HERC5: variants seen among roughly 807,000 people sequenced by gnomAD.
HERC5 encodes the protein E3 ISG15--protein ligase HERC5.
In HERC5, 99 loss-of-function variants were observed where a neutral mutation model predicts 119.6. The ratio of observed to expected loss-of-function variants is 0.83; its 90% CI spans 0.70 to 0.98. HERC5 has a LOEUF of 0.98. HERC5 is among the 50% of genes least tolerant of loss of function. The pLI, the probability that HERC5 is intolerant of heterozygous loss-of-function variation, is 0.00. For synonymous variants in HERC5, 478 were observed against 445.9 expected, an observed-to-expected ratio of 1.07 and a Z score of -0.91; for missense variants, 1,267 against 1,241.3, an observed-to-expected ratio of 1.02 and a Z score of -0.31.
chr4:88,479,390 C>G lies in HERC5; in HGVS notation c.1620C>G (p.Ser540Arg). 6.2e-7 allele frequency: 1 copy of G among 1,610,260 alleles called. No individual in the cohort carries two copies. The highest frequency in any genetic ancestry group is 8.5e-7 in the Non-Finnish European group (1 of 1,178,970). Residue 540 changes from serine (S) to arginine (R), a missense_variant, in exon 13 of 23, where the codon AGC (serine) becomes AGG (arginine). By Grantham distance (110) the Ser-to-Arg change is moderately radical (BLOSUM62 -1). This residue lies in a region of HERC5 where 777 missense variants were observed against 758.0 expected (regional missense o/e 1.03). Transcript: ENST00000264350. ...CAACTCTGCAAGAATCCACTTTCAG[C>G]AAACTGGTCCAGATGTTTAAAACAG... ...YWATLQESTFSKLVQMFKTAV... is the reference protein window; with the variant it reads ...YWATLQESTFRKLVQMFKTAV...
intron 16 of HERC5, among the ~76,000 whole-genome samples, chr4:88,490,689 C>G (rs1741608238): frequency 6.6e-6 from 1 of 151,974 alleles, no homozygotes; most frequent in South Asian, 2.1e-4. Context: ...ACTAAAAATA[C>G]AAAAATTAGT....
At chr4:88,491,788 T>TA (rs1166595636) in intron 16 of HERC5, among the ~76,000 whole-genome samples, 1 of 151,914 alleles carries the variant, frequency 6.6e-6, no homozygotes, top group South Asian at 2.1e-4. Flanking sequence ...CTTTTAAGGT[T>TA]AAGGGGGACC....
intron 18 of HERC5, among the ~76,000 whole-genome samples, chr4:88,497,993 C>T (rs1578067456): frequency 6.6e-6 from 1 of 152,326 alleles, no homozygotes; most frequent in Admixed American, 6.5e-5. Flanking sequence ...TGCATTCTGG[C>T]ACAGTGCTCC....
intron 4 of HERC5, 90 bp from the exon 5 acceptor site, chr4:88,463,442 C>T (rs1450065804): frequency 1.8e-5 from 14 of 778,838 alleles, no homozygotes; most frequent in Non-Finnish European, 2.9e-5. Context: ...GAACTGTTGT[C>T]GCTGGGTTGA....
intron 18 of HERC5, among the ~76,000 whole-genome samples, chr4:88,497,754 CT>C (rs1741839628): frequency 2.0e-5 from 3 of 152,286 alleles, no homozygotes; most frequent in African/African-American, 7.2e-5. Flanking sequence ...GGCCAGGTGA[CT>C]CTTTTTATTA....
At chr4:88,474,342 G>A (rs1392197843) in intron 11 of HERC5, among the ~76,000 whole-genome samples, 1 of 152,206 alleles carries the variant, frequency 6.6e-6, no homozygotes, top group South Asian at 2.1e-4. Context: ...AGGTGCTCAC[G>A]TGGAAGGATA....
At chr4:88,504,168 T>C in intron 20 of HERC5, 64 bp from the exon 21 acceptor site, 1 of 1,035,268 alleles carries the variant, frequency 9.7e-7, no homozygotes, top group South Asian at 1.6e-5. Context: ...CTTTTATTTT[T>C]AGCCCCTCAC....
At chr4:88,457,663 C>T in intron 1 of HERC5, 129 bp downstream of exon 1, 3 of 1,040,396 alleles carry the variant, frequency 2.9e-6, no homozygotes, top group Non-Finnish European at 3.7e-6. Flanking sequence ...GCGCGCCTGG[C>T]TCGGATAGTT....
intron 15 of HERC5, 73 bp downstream of exon 15, chr4:88,487,252 G>T: frequency 1.2e-6 from 1 of 824,164 alleles, no homozygotes; most frequent in Non-Finnish European, 2.0e-6. Context: ...AGTATTTTGG[G>T]GGTGATAAGA....
chr4:88,482,345 A>T (rs906655600), intron 13 of HERC5, among the ~76,000 whole-genome samples: 4 of 151,096 alleles, frequency 2.6e-5, no homozygotes, highest in Non-Finnish European at 5.9e-5. Flanking sequence ...AAGAAAAGAG[A>T]AGTAGTAGCT....
rs1431100310 is a variant in HERC5, at chr4:88,475,909, A to G, written c.1461A>G (p.Leu487=). The part of the protein sequence containing the change: ...LPFHSPPQEA[L]EIFFLLPECP... Reference sequence around the variant, plus strand: ...TTCATTCTCCACCCCAAGAAGCTTTAGAAATTTTCTTCCTTCTCCCAGAAT... The same window carrying G: ...TTCATTCTCCACCCCAAGAAGCTTTGGAAATTTTCTTCCTTCTCCCAGAAT... Residue 487 remains leucine (L), a synonymous_variant, in exon 12 of 23, where the codon TTA becomes TTG. Coordinates refer to ENST00000264350, the MANE Select transcript of HERC5 (RefSeq NM_016323.4). 1.2e-6 allele frequency: 2 copies of G among 1,613,984 alleles called. No homozygotes were observed. Among genetic ancestry groups the G allele is most frequent in the Non-Finnish European group, 1.7e-6 (2 of 1,179,934 alleles).
chr4:88,488,234 CTTTTTTTTTTTT>C (rs1233602413), intron 15 of HERC5, among the ~76,000 whole-genome samples: 1 of 136,676 alleles, frequency 7.3e-6, no homozygotes, highest in Non-Finnish European at 1.6e-5. Flanking sequence ...CTTTTTTTTT[CTTTTTTTTTTTT>C]TTTGAGAGAG....
At chr4:88,496,679 T>C (rs1741804873) in intron 18 of HERC5, among the ~76,000 whole-genome samples, 1 of 152,156 alleles carries the variant, frequency 6.6e-6, no homozygotes, top group Non-Finnish European at 1.5e-5. Flanking sequence ...AATGCAAAAA[T>C]CATGAAAATA....
chr4:88,475,373 C>CA (rs1741026086), intron 11 of HERC5, among the ~76,000 whole-genome samples: 1 of 138,594 alleles, frequency 7.2e-6, no homozygotes. Context: ...GCCTGGAGTG[C>CA]AGTGACACAA....
At position 88,464,426 on chromosome 4, in the gene HERC5, A is replaced by G. The variant is rs184524397; in HGVS notation, c.911+441A>G. ...CATTGTAGCCTGCCCTGATCACAGT[A>G]AAGTATAAGACATAGTCAGTGATGG... On this transcript the variant is annotated intron_variant, in intron 6 of 22. Coordinates refer to ENST00000264350, the MANE Select transcript of HERC5 (RefSeq NM_016323.4). Among the ~76,000 whole-genome samples, 320 of 152,276 alleles carry G rather than the reference A, an allele frequency of 2.1e-3. 1 individual carries two copies. The highest frequency in any genetic ancestry group is 7.1e-3 in the African/African-American group (294 of 41,562).
rs950279201 is a variant in HERC5, at chr4:88,494,396, C to T, written c.2444+65C>T. Reference sequence around the variant, plus strand: ...ATATATTTAGGCAAATATTTAAGTACACACGCTTCATAATATTTCCATGTT... The same window carrying T: ...ATATATTTAGGCAAATATTTAAGTATACACGCTTCATAATATTTCCATGTT... On this transcript the variant is annotated intron_variant, in intron 18 of 22. Coordinates refer to ENST00000264350, the MANE Select transcript of HERC5 (RefSeq NM_016323.4). 2.3e-5 allele frequency: 30 copies of T among 1,284,072 alleles called. No homozygotes were observed. In the African/African-American group the frequency reaches 3.8e-4, roughly 16 times the overall value. 79.5% of individuals were successfully genotyped at this position (1,284,072 alleles called of 1,614,324 possible).
intron 17 of HERC5, 41 bp downstream of exon 17, chr4:88,493,196 A>G (rs752742355): frequency 6.3e-7 from 1 of 1,596,310 alleles, no homozygotes; most frequent in Non-Finnish European, 8.6e-7. Context: ...TTGCGACAGA[A>G]AAAGTACACC....
intron 6 of HERC5, 133 bp downstream of exon 6, chr4:88,464,118 T>A: frequency 1.4e-5 from 9 of 644,606 alleles, no homozygotes; most frequent in South Asian, 3.2e-5. Context: ...TAATTTATAT[T>A]ATTTAGATAA....
rs779976280 is a variant in HERC5 at position 88,460,121 on chromosome 4, A to T, written c.416A>T (p.Lys139Ile). Residue 139 changes from lysine (K) to isoleucine (I), a missense_variant, in exon 3 of 23, where the codon AAA (lysine) becomes ATA (isoleucine). Coordinates refer to ENST00000264350, the MANE Select transcript of HERC5 (RefSeq NM_016323.4). ...LRFESILQEK[K>I]IIQITCGDYH... ...TTTGAAAGCATTTTACAAGAAAAAA[A>T]AATAATTCAGATCACATGTGGAGAT... 3.9e-5 allele frequency: 62 copies of T among 1,586,922 alleles called. No individual in the cohort carries two copies. Among genetic ancestry groups the T allele is most frequent in the Non-Finnish European group, 4.8e-5 (56 of 1,157,878 alleles).
Sources: gnomAD v4.1 joint callset for allele counts (sites outside exome capture counted in the v4.1 genomes callset) on GRCh38, gnomAD v4.1.1 for gene constraint, gnomAD v4.1.1 regional missense constraint, MANE v1.5 for transcripts, NCBI Gene and HGNC (gene_info 2026-07-23, HGNC 2026-07-21) for gene names.